EIF4G3: variants seen among roughly 807,000 people sequenced by gnomAD.
EIF4G3 encodes eukaryotic translation initiation factor 4 gamma 3.
EIF4G3 carries 34 observed loss-of-function variants against 186.4 expected under a neutral mutation model. That is an observed-to-expected ratio of 0.18 (90% CI 0.14 to 0.24). EIF4G3 has a LOEUF of 0.24. Ranked by LOEUF, EIF4G3 falls within the 10% of genes least tolerant of loss-of-function variation. The pLI, the probability that EIF4G3 is intolerant of heterozygous loss-of-function variation, is 1.00. For synonymous variants in EIF4G3, 673 were observed against 679.5 expected (o/e 0.99, Z 0.15); for missense variants, 1,536 against 1,948.5 (o/e 0.79, Z 3.99).
intron 35 of EIF4G3, among the ~76,000 whole-genome samples, chr1:20,812,532 T>C (rs916146200): frequency 2.0e-5 from 3 of 152,190 alleles, no homozygotes; most frequent in Non-Finnish European, 4.4e-5. Context: ...TGATGAATTT[T>C]TTTTTCTCGC....
chr1:21,112,782 C>T (rs1451564976), intron 2 of EIF4G3, among the ~76,000 whole-genome samples: 1 of 152,116 alleles, frequency 6.6e-6, no homozygotes, highest in Non-Finnish European at 1.5e-5. Flanking sequence ...GAAAGCTTTT[C>T]AGCACATTCT....
chr1:21,157,630 C>A (rs1375978164), intron 2 of EIF4G3, among the ~76,000 whole-genome samples: 1 of 152,058 alleles, frequency 6.6e-6, no homozygotes, highest in Non-Finnish European at 1.5e-5. Flanking sequence ...GCCACCACAC[C>A]CAGCCTCAGG....
chr1:20,830,425 T>C (rs2064820190), intron 30 of EIF4G3, among the ~76,000 whole-genome samples: 1 of 152,188 alleles, frequency 6.6e-6, no homozygotes, highest in Non-Finnish European at 1.5e-5. Flanking sequence ...CCGAGGACGG[T>C]GTCTGTGCTA....
intron 2 of EIF4G3, among the ~76,000 whole-genome samples, chr1:21,129,431 C>T (rs947209436): frequency 3.3e-5 from 5 of 152,144 alleles, no homozygotes; most frequent in Non-Finnish European, 7.3e-5. Flanking sequence ...ACGACATTCA[C>T]TTGCAAGTTC....
At chr1:20,968,258 C>T (rs2075134474) in intron 12 of EIF4G3, among the ~76,000 whole-genome samples, 1 of 151,888 alleles carries the variant, frequency 6.6e-6, no homozygotes, top group Non-Finnish European at 1.5e-5. Context: ...CGGCTCACCA[C>T]AGCCTCCGTC....
intron 16 of EIF4G3, among the ~76,000 whole-genome samples, chr1:20,898,327 A>G (rs527996607): frequency 6.6e-6 from 1 of 152,252 alleles, no homozygotes; most frequent in Admixed American, 6.5e-5. Context: ...CTCCCTCTGT[A>G]AAAAATAAAC....
intron 34 of EIF4G3, among the ~76,000 whole-genome samples, chr1:20,814,208 T>G (rs183176761): frequency 1.3e-3 from 195 of 152,168 alleles, no homozygotes; most frequent in African/African-American, 4.5e-3. Context: ...CCTCGTGATC[T>G]GCCTACCTCA....
At chr1:20,825,344 T>C (rs1405132760) in intron 32 of EIF4G3, 146 bp from the exon 33 acceptor site, 8 of 619,280 alleles carry the variant, frequency 1.3e-5, no homozygotes, top group Non-Finnish European at 2.2e-5. Flanking sequence ...GGCATGGTGG[T>C]GCACACCTGT....
intron 2 of EIF4G3, among the ~76,000 whole-genome samples, chr1:21,129,859 A>G (rs547339113): frequency 2.0e-5 from 3 of 152,212 alleles, no homozygotes; most frequent in East Asian, 1.9e-4. Context: ...TACCACAAAT[A>G]TAAGACAAAC....
chr1:21,043,870 C>CAAAAAAAAAA lies in EIF4G3; in HGVS notation c.-67+6986_-67+6995dup. Among the ~76,000 whole-genome samples the CAAAAAAAAAA allele has an allele frequency of 1.4e-5, 2 of 141,048 alleles. 1 individual carries two copies. The highest frequency in any genetic ancestry group is 3.0e-5 in the Non-Finnish European group (2 of 66,442). 92.5% of individuals were successfully genotyped at this position (141,048 alleles called of 152,430 possible). On this transcript the variant is annotated intron_variant, in intron 4 of 36. Transcript: ENST00000602326. ...TGGGTGACAGAGTGAAACCTTGGCG[C>CAAAAAAAAAA]AAAAAAAAAAAAAGGAAGGATGGAA...
chr1:20,847,869 G>A lies in EIF4G3; in HGVS notation c.3888+1546C>T, dbSNP rs189399609. 1.5e-5 allele frequency: 7 copies of A among 471,192 alleles called. No individual in the cohort carries two copies. The East Asian group carries it at 4.9e-4, about 33-fold the overall frequency. 29.2% of individuals were successfully genotyped at this position (471,192 alleles called of 1,614,324 possible). ...TTCTGAATTTTGAAGAATTTCAGAGGCTTGAAGGCTTTAGAAGATTGAACT... is the reference window on the plus strand; with the variant it reads ...TTCTGAATTTTGAAGAATTTCAGAGACTTGAAGGCTTTAGAAGATTGAACT... On this transcript the variant is annotated intron_variant, in intron 29 of 36. Transcript: ENST00000602326.
At chr1:21,157,917 G>A (rs4483375) in intron 2 of EIF4G3, among the ~76,000 whole-genome samples, 147,275 of 152,268 alleles carry the variant, frequency 0.97, 71,414 homozygotes, top group East Asian at 1. Context: ...CCTCATTAAC[G>A]TGATTCTGAA....
intron 14 of EIF4G3, among the ~76,000 whole-genome samples, chr1:20,914,726 C>A (rs2093667606): frequency 1.3e-5 from 2 of 152,126 alleles, no homozygotes; most frequent in African/African-American, 2.4e-5. Flanking sequence ...TTGACCTCTG[C>A]GTTATTTAAA....
intron 12 of EIF4G3, among the ~76,000 whole-genome samples, chr1:20,957,522 C>CAAAAAAAAA (rs11366654): frequency 8.5e-6 from 1 of 117,812 alleles, no homozygotes; most frequent in Non-Finnish European, 1.7e-5. Flanking sequence ...GACTCTGTCT[C>CAAAAAAAAA]AAAAAAAAAA....
chr1:20,986,744 C>CAAAAAAAA lies in EIF4G3; in HGVS notation c.178-4344_178-4337dup, dbSNP rs61255473. 6.8e-3 allele frequency among the ~76,000 whole-genome samples: 449 copies of CAAAAAAAA among 66,292 alleles called. 50 individuals carry two copies. Among genetic ancestry groups the CAAAAAAAA allele is most frequent in the East Asian group, 0.022 (31 of 1,418 alleles). 43.5% of individuals were successfully genotyped at this position (66,292 alleles called of 152,430 possible). Reference sequence around the variant, plus strand: ...AGCCTGGGCGACAGAGCTCTGTCTCCAAAAAAAAAAAAAAAAAAAAAAAAA... The same window carrying CAAAAAAAA: ...AGCCTGGGCGACAGAGCTCTGTCTCCAAAAAAAAAAAAAAAAAAAAAAAAAAAAAAAAA... On this transcript the variant is annotated intron_variant, in intron 7 of 36. Coordinates refer to ENST00000602326, the MANE Select transcript of EIF4G3 (RefSeq NM_001391906.1).
At chr1:20,997,121 T>C (rs896901074) in intron 7 of EIF4G3, among the ~76,000 whole-genome samples, 3 of 152,204 alleles carry the variant, frequency 2.0e-5, no homozygotes, top group Non-Finnish European at 4.4e-5. Context: ...TGGATGTACA[T>C]GATTTTTAAT....
intron 6 of EIF4G3, among the ~76,000 whole-genome samples, chr1:21,000,289 T>A (rs569624163): frequency 6.6e-6 from 1 of 152,146 alleles, no homozygotes; most frequent in Admixed American, 6.5e-5. Context: ...GGCACAAAGA[T>A]AACCTGAAGG....
chr1:21,051,859 A>C (rs2094234710), intron 3 of EIF4G3, among the ~76,000 whole-genome samples: 1 of 152,164 alleles, frequency 6.6e-6, no homozygotes, highest in African/African-American at 2.4e-5. Context: ...GGAAAACCCT[A>C]TCTCTTTAAA....
chr1:21,017,762 C>T (rs1031683992), intron 4 of EIF4G3, among the ~76,000 whole-genome samples: 2 of 151,192 alleles, frequency 1.3e-5, no homozygotes, highest in Non-Finnish European at 2.9e-5. Context: ...GATTTTCAGA[C>T]TAGGAATGCT....
Sources: gnomAD v4.1 joint callset for allele counts (sites outside exome capture counted in the v4.1 genomes callset) on GRCh38, gnomAD v4.1.1 for gene constraint, MANE v1.5 for transcripts, NCBI Gene and HGNC (gene_info 2026-07-23, HGNC 2026-07-21) for gene names.